Variants in UGT1A10 observed in about 807,000 individuals in gnomAD.
UGT1A10 encodes UDP-glucuronosyltransferase 1A10.
Under a neutral mutation model 45.8 loss-of-function variants are expected in UGT1A10, and 49 were observed. The ratio of observed to expected loss-of-function variants is 1.07; its 90% CI spans 0.85 to 1.36. UGT1A10 has a LOEUF of 1.36. Ranked by LOEUF, UGT1A10 falls within the 40% of genes most tolerant of loss-of-function variation. The pLI, the probability that UGT1A10 is intolerant of heterozygous loss-of-function variation, is 0.00. For synonymous variants in UGT1A10, 284 were observed against 249.7 expected (o/e 1.14, Z -1.29); for missense variants, 745 against 668.6 (o/e 1.11, Z -1.26).
intron 1 of UGT1A10, chr2:233,691,202 G>T: frequency 2.0e-6 from 2 of 985,608 alleles, no homozygotes; most frequent in Non-Finnish European, 2.4e-6. Flanking sequence ...CCTGAGCTCT[G>T]TTCCCTTTGC....
intron 1 of UGT1A10, among the ~76,000 whole-genome samples, chr2:233,712,238 T>C (rs1464476015): frequency 6.6e-6 from 1 of 152,230 alleles, no homozygotes; most frequent in African/African-American, 2.4e-5. Context: ...CATGGGTCTT[T>C]GCTAGGGTTG....
Position 233,768,056 on chromosome 2 carries a change from T to G in UGT1A10, c.1075+120T>G, listed in dbSNP as rs35523971. The G allele has an allele frequency of 3.2e-4, 515 of 1,603,390 alleles. No homozygotes were observed. In the African/African-American group the frequency reaches 5.5e-3, roughly 17 times the overall value. On this transcript the variant is annotated intron_variant, in intron 3 of 4. Transcript: ENST00000344644. The stretch of plus-strand genomic sequence containing the variant: ...ATATTATGGCCAACATATCCTACAT[T>G]GCTTTTTATCTAGTGGGGTATCTCA...
chr2:233,712,131 C>T (rs1390486210), intron 1 of UGT1A10, among the ~76,000 whole-genome samples: 1 of 152,152 alleles, frequency 6.6e-6, no homozygotes, highest in Non-Finnish European at 1.5e-5. Context: ...AAGACTGGAG[C>T]CTTCAGCATT....
At chr2:233,698,234 T>A (rs2125574920) in intron 1 of UGT1A10, among the ~76,000 whole-genome samples, 1 of 152,312 alleles carries the variant, frequency 6.6e-6, no homozygotes, top group South Asian at 2.1e-4. Context: ...ATTAAAGTGA[T>A]CAAAATAGAA....
chr2:233,727,891 C>T (rs1001940161), intron 1 of UGT1A10, among the ~76,000 whole-genome samples: 27 of 152,186 alleles, frequency 1.8e-4, no homozygotes, highest in East Asian at 1.7e-3. Flanking sequence ...ATGGCAGACA[C>T]GGCCAGGCAA....
intron 1 of UGT1A10, chr2:233,747,939 G>A (rs1693817235): frequency 2.5e-6 from 4 of 1,613,396 alleles, no homozygotes; most frequent in Non-Finnish European, 3.4e-6. Flanking sequence ...TCAGAGGGAG[G>A]TGTCAGTGGT....
intron 1 of UGT1A10, among the ~76,000 whole-genome samples, chr2:233,715,064 T>A (rs957202812): frequency 6.6e-6 from 1 of 152,062 alleles, no homozygotes; most frequent in African/African-American, 2.4e-5. Flanking sequence ...TTTTGTATTT[T>A]TTATGGAGAT....
intron 1 of UGT1A10, among the ~76,000 whole-genome samples, chr2:233,707,670 C>T (rs374059443): frequency 6.6e-6 from 1 of 151,694 alleles, no homozygotes; most frequent in East Asian, 1.9e-4. Flanking sequence ...TTTATCCATT[C>T]TACTGTTGAT....
chr2:233,767,252 T>C (rs959458816), intron 2 of UGT1A10, 87 bp downstream of exon 2: 5 of 1,599,856 alleles, frequency 3.1e-6, no homozygotes, highest in East Asian at 2.2e-5. Context: ...ATTCTCTTAA[T>C]TGGAACCTTA....
At chr2:233,694,261 A>T (rs911219810) in intron 1 of UGT1A10, among the ~76,000 whole-genome samples, 1 of 151,758 alleles carries the variant, frequency 6.6e-6, no homozygotes, top group South Asian at 2.1e-4. Flanking sequence ...GGGACCAGCG[A>T]ACTACAGCCT....
At chr2:233,744,167 C>T (rs571958396) in intron 1 of UGT1A10, among the ~76,000 whole-genome samples, 8 of 151,954 alleles carry the variant, frequency 5.3e-5, no homozygotes, top group South Asian at 4.1e-4. Flanking sequence ...CCGCCCACTC[C>T]GGCCTCCAAC....
intron 1 of UGT1A10, chr2:233,754,450 G>A (rs1695489030): frequency 5.7e-6 from 2 of 352,214 alleles, no homozygotes; most frequent in Non-Finnish European, 1.1e-5. Context: ...TAAATTCTTG[G>A]GTACAGCTGT....
Position 233,768,243 on chromosome 2 carries a change from A to T in UGT1A10, c.1099A>T (p.Ile367Phe). The T allele has an allele frequency of 6.2e-7, 1 of 1,614,146 alleles. No individual in the cohort carries two copies. The highest frequency in any genetic ancestry group is 8.5e-7 in the Non-Finnish European group (1 of 1,180,022). Residue 367 changes from isoleucine to phenylalanine, a missense_variant, in exon 4 of 5, where the codon ATC (isoleucine) becomes TTC (phenylalanine). Ile to Phe is a conservative substitution (Grantham distance 21). Transcript: ENST00000344644. The part of the protein sequence containing the change: ...LLGHPMTRAF[I>F]THAGSHGVYE... Reference sequence around the variant, plus strand: ...AGGTCACCCGATGACCCGTGCCTTTATCACCCATGCTGGTTCCCATGGTGT... The same window carrying T: ...AGGTCACCCGATGACCCGTGCCTTTTTCACCCATGCTGGTTCCCATGGTGT...
intron 1 of UGT1A10, chr2:233,747,357 C>A (rs115834808): frequency 9.4e-6 from 15 of 1,602,522 alleles, no homozygotes; most frequent in East Asian, 2.2e-5. Context: ...GGAGGCCGTG[C>A]GGGAGCTCCA....
rs189834319 is a variant in UGT1A10, at chr2:233,769,760, C to T, written c.1295+1321C>T. On this transcript the variant is annotated intron_variant, in intron 4 of 4. Transcript: ENST00000344644. The surrounding 1 kb of genome is among the most constrained non-coding windows in gnomAD (Gnocchi z 4.4). ...GTCCCAGCCACTCTGGAGGCTAAGG[C>T]GGGAGGATTGCTTGAGCCCAGAAGT... The T allele has an allele frequency of 8.3e-4, 1,153 of 1,396,052 alleles. 4 individuals are homozygous for T. The African/African-American group carries it at 9.8e-3, about 12-fold the overall frequency. 86.5% of individuals were successfully genotyped at this position (1,396,052 alleles called of 1,614,324 possible).
At chr2:233,670,981 T>C (rs2074173274) in intron 1 of UGT1A10, among the ~76,000 whole-genome samples, 1 of 152,128 alleles carries the variant, frequency 6.6e-6, no homozygotes, top group South Asian at 2.1e-4. Context: ...CTAGCAGGCT[T>C]ATGGATGGGG....
intron 1 of UGT1A10, chr2:233,722,212 AT>A (rs2077000405): frequency 6.5e-6 from 1 of 153,656 alleles, no homozygotes; most frequent in African/African-American, 2.4e-5. Context: ...ATGAAAGATC[AT>A]TTACACCAAA....
At chr2:233,760,983 C>G in intron 1 of UGT1A10, 2 of 1,614,178 alleles carry the variant, frequency 1.2e-6, no homozygotes, top group African/African-American at 1.3e-5. Context: ...CGTATGCAAC[C>G]CTTGCCTCAG....
intron 1 of UGT1A10, chr2:233,729,425 A>G (rs1461557828): frequency 6.2e-7 from 1 of 1,613,834 alleles, no homozygotes. Flanking sequence ...ACTCAACTGT[A>G]CTTTGAAACA....
Sources: gnomAD v4.1 joint callset for allele counts (sites outside exome capture counted in the v4.1 genomes callset) on GRCh38, gnomAD v4.1.1 for gene constraint, Gnocchi (gnomAD v3.1) non-coding constraint, MANE v1.5 for transcripts, NCBI Gene and HGNC (gene_info 2026-07-23, HGNC 2026-07-21) for gene names.